ENPP6: variants seen among roughly 807,000 people sequenced by gnomAD.
ENPP6 encodes the protein ectonucleotide pyrophosphatase/phosphodiesterase 6, also known as glycerophosphocholine cholinephosphodiesterase ENPP6.
ENPP6 carries 32 observed loss-of-function variants against 42.0 expected under a neutral mutation model. That is an observed-to-expected ratio of 0.76 (90% CI 0.58 to 1.02). The LOEUF is 1.02. Ranked by LOEUF, ENPP6 falls within the 50% of genes least tolerant of loss-of-function variation. ENPP6 has a pLI of 0.00. For missense variants in ENPP6, 552 were observed against 566.8 expected, an observed-to-expected ratio of 0.97 and a Z score of 0.27; for synonymous variants, 213 against 216.0, an observed-to-expected ratio of 0.99 and a Z score of 0.12.
rs1454704427 is a variant in ENPP6, at chr4:184,206,424, A to AT, written c.241+11154dup. 4.2e-5 allele frequency among the ~76,000 whole-genome samples: 5 copies of AT among 118,342 alleles called. 1 individual carries two copies. Among genetic ancestry groups the AT allele is most frequent in the Non-Finnish European group, 7.0e-5 (4 of 57,368 alleles). 77.6% of individuals were successfully genotyped at this position (118,342 alleles called of 152,430 possible). ...AGGCGGGCGCCACCAGGCCCGGCTA[A>AT]TTTTTGTATTTTTAGTAGAGACGGG... On this transcript the variant is annotated intron_variant, in intron 1 of 7. Transcript: ENST00000296741.
chr4:184,188,858 C>T (rs1732675322), intron 1 of ENPP6, among the ~76,000 whole-genome samples: 1 of 152,146 alleles, frequency 6.6e-6, no homozygotes, highest in Admixed American at 6.5e-5. Flanking sequence ...GTACTGATTT[C>T]CATGAAGAAG....
chr4:184,147,738 C>T (rs1347012106), intron 2 of ENPP6, among the ~76,000 whole-genome samples: 2 of 151,358 alleles, frequency 1.3e-5, no homozygotes, highest in Admixed American at 1.3e-4. Flanking sequence ...GAGGTCGAGG[C>T]TGCAGTGAGC....
At chr4:184,216,455 A>G (rs1313766624) in intron 1 of ENPP6, 2 of 152,132 alleles carry the variant, frequency 1.3e-5, no homozygotes, top group African/African-American at 4.8e-5. Flanking sequence ...GTACATGTGT[A>G]TATAGTATCT....
chr4:184,119,346 TGTGTGTGTGTGTG>T (rs1736377314), intron 3 of ENPP6, among the ~76,000 whole-genome samples: 2 of 107,304 alleles, frequency 1.9e-5, no homozygotes, highest in Non-Finnish European at 4.3e-5. Flanking sequence ...TGTGTGTGTG[TGTGTGTGTGTGTG>T]TGTGTGTCTC....
At chr4:184,117,947 G>T in intron 3 of ENPP6, 47 bp from the exon 4 acceptor site, 2 of 1,594,888 alleles carry the variant, frequency 1.3e-6, no homozygotes, top group South Asian at 1.1e-5. Flanking sequence ...GCCCCCGCCA[G>T]CTTGCTCCCT....
intron 2 of ENPP6, among the ~76,000 whole-genome samples, chr4:184,144,491 C>G (rs902038209): frequency 6.6e-6 from 1 of 152,196 alleles, no homozygotes; most frequent in African/African-American, 2.4e-5. Flanking sequence ...TTTCCCCAGC[C>G]CTGTGGAACG....
chr4:184,201,611 G>A (rs561044644), intron 1 of ENPP6, among the ~76,000 whole-genome samples: 1 of 152,206 alleles, frequency 6.6e-6, no homozygotes, highest in East Asian at 1.9e-4. Context: ...AACACCCTCT[G>A]GTCACCATGG....
chr4:184,090,999 T>A lies in ENPP6; in HGVS notation c.*178A>T, dbSNP rs952969329. On this transcript the variant is annotated 3_prime_UTR_variant, in exon 8 of 8. Coordinates refer to ENST00000296741, the MANE Select transcript of ENPP6 (RefSeq NM_153343.4). Reference sequence around the variant, plus strand: ...ACCTTCTGGAAAAACAAGGTTTGTATCTTTTTTAACAAGTAGGAACTTTTA... The same window carrying A: ...ACCTTCTGGAAAAACAAGGTTTGTAACTTTTTTAACAAGTAGGAACTTTTA... The A allele has an allele frequency of 1.8e-6, 1 of 560,226 alleles. No homozygotes were observed. Among genetic ancestry groups the A allele is most frequent in the African/African-American group, 1.9e-5 (1 of 51,386 alleles). The allele number at this position is 560,226 out of a possible 1,614,324, so 34.7% of individuals were successfully genotyped here.
At chr4:184,210,766 C>T (rs1480313175) in intron 1 of ENPP6, among the ~76,000 whole-genome samples, 1 of 151,806 alleles carries the variant, frequency 6.6e-6, no homozygotes, top group African/African-American at 2.4e-5. Flanking sequence ...CTCTCCACCC[C>T]AAATCAACAG....
intron 2 of ENPP6, among the ~76,000 whole-genome samples, chr4:184,152,474 C>T (rs779981434): frequency 3.3e-5 from 5 of 152,174 alleles, no homozygotes; most frequent in African/African-American, 1.2e-4. Context: ...TCAGCCACTT[C>T]ACCCCATCTC....
intron 3 of ENPP6, among the ~76,000 whole-genome samples, chr4:184,118,513 G>T (rs549110802): frequency 7.9e-4 from 121 of 152,308 alleles, no homozygotes; most frequent in African/African-American, 2.8e-3. Flanking sequence ...TTACCTGGTG[G>T]CTTTTGGTCA....
chr4:184,212,936 ATATCTACAACTATC>A (rs2111126247), intron 1 of ENPP6, among the ~76,000 whole-genome samples: 1 of 151,840 alleles, frequency 6.6e-6, no homozygotes, highest in South Asian at 2.1e-4. Context: ...ATAACGCCGC[ATATCTACAACTATC>A]TGATCTTTGA....
intron 2 of ENPP6, among the ~76,000 whole-genome samples, chr4:184,149,735 C>T (rs1310920167): frequency 6.6e-6 from 1 of 152,162 alleles, no homozygotes; most frequent in African/African-American, 2.4e-5. Context: ...TAAAAGGTTG[C>T]TATTTTTTAT....
intron 7 of ENPP6, 65 bp from the exon 8 acceptor site, chr4:184,091,447 A>C: frequency 2.8e-6 from 4 of 1,414,372 alleles, no homozygotes; most frequent in Non-Finnish European, 3.9e-6. Flanking sequence ...GGCTGAACGC[A>C]ATAAAGAAGA....
chr4:184,178,295 A>T (rs1732487228), intron 1 of ENPP6, among the ~76,000 whole-genome samples: 1 of 152,140 alleles, frequency 6.6e-6, no homozygotes. Flanking sequence ...ATCTTGCTGA[A>T]ATAAGACAGG....
At chr4:184,170,977 T>A (rs1450122931) in intron 1 of ENPP6, among the ~76,000 whole-genome samples, 1 of 152,254 alleles carries the variant, frequency 6.6e-6, no homozygotes, top group Non-Finnish European at 1.5e-5. Flanking sequence ...GCGTGTCTAT[T>A]TGGACTGTAT....
chr4:184,149,068 T>C (rs1736974728), intron 2 of ENPP6, among the ~76,000 whole-genome samples: 1 of 152,192 alleles, frequency 6.6e-6, no homozygotes, highest in Non-Finnish European at 1.5e-5. Flanking sequence ...AATGCCAAAC[T>C]GGTAATGTTA....
At chr4:184,111,978 A>T (rs915377159) in intron 6 of ENPP6, among the ~76,000 whole-genome samples, 2 of 152,182 alleles carry the variant, frequency 1.3e-5, no homozygotes, top group African/African-American at 4.8e-5. Flanking sequence ...GTCATACTGC[A>T]ATTACTTTTG....
intron 1 of ENPP6, among the ~76,000 whole-genome samples, chr4:184,208,301 T>A (rs1733035287): frequency 6.6e-6 from 1 of 151,948 alleles, no homozygotes; most frequent in Non-Finnish European, 1.5e-5. Context: ...AGAAGATGGG[T>A]GATTTCTGCA....
Sources: allele counts gnomAD v4.1 joint callset (sites outside exome capture counted in the v4.1 genomes callset), GRCh38; gene constraint gnomAD v4.1.1; transcripts MANE v1.5; gene names NCBI Gene and HGNC (gene_info 2026-07-23, HGNC 2026-07-21).